The following SLC12A7 variants were observed in gnomAD, a reference collection of about 807,000 sequenced individuals.
SLC12A7 encodes the protein K-Cl cotransporter 4.
A neutral mutation model predicts 120.6 loss-of-function variants in SLC12A7; 100 were observed. The observed-to-expected ratio is 0.83, with a 90% confidence interval of 0.71 to 0.98. The LOEUF (loss-of-function observed/expected upper bound fraction) is 0.98, where lower values mean the gene tolerates loss of function less well. SLC12A7 is among the 50% of genes least tolerant of loss of function. The probability of loss-of-function intolerance (pLI) is 0.00; values close to 1 mark genes in which losing one functional copy is unlikely to be tolerated. For synonymous variants in SLC12A7, 760 were observed against 678.0 expected (o/e 1.12, Z -1.88); for missense variants, 1,373 against 1,548.1 (o/e 0.89, Z 1.90).
the SLC12A7 span, among the ~76,000 whole-genome samples, chr5:1,123,832 C>T: frequency 4.6e-5 from 7 of 152,326 alleles, no homozygotes; most frequent in African/African-American, 1.4e-4. Flanking sequence ...TGACTTTCTT[C>T]GTTTGTTTCA....
intron 8 of SLC12A7, among the ~76,000 whole-genome samples, chr5:1,082,253 C>A (rs1579381465): frequency 1.4e-5 from 2 of 144,216 alleles, no homozygotes; most frequent in Admixed American, 1.4e-4. Flanking sequence ...GGCTTCCTCT[C>A]TAGGGTTCTG....
intron 3 of SLC12A7, among the ~76,000 whole-genome samples, chr5:1,089,838 C>A (rs963135865): frequency 5.9e-5 from 9 of 152,214 alleles, no homozygotes; most frequent in Non-Finnish European, 1.0e-4. Context: ...CCAGGCAGCT[C>A]CCCAGCTCCA....
rs773750502 is a variant in SLC12A7 at position 1,079,426 on chromosome 5, G to C, written c.1368C>G (p.Ile456Met). Residue 456 changes from isoleucine to methionine, a missense_variant, in exon 10 of 24, where the codon ATC becomes ATG. Coordinates refer to ENST00000264930, the MANE Select transcript of SLC12A7 (RefSeq NM_006598.3). ...TGAAAGACGTCGTCACTATGGCCAGGATGGTCCCCGTGGGGATGGACTTCT... is the reference window on the plus strand; with the variant it reads ...TGAAAGACGTCGTCACTATGGCCAGCATGGTCCCCGTGGGGATGGACTTCT... ...DAQKSIPTGT[I>M]LAIVTTSFIY... 1.2e-6 allele frequency: 2 copies of C among 1,612,754 alleles called. No homozygotes were observed. Among genetic ancestry groups the C allele is most frequent in the South Asian group, 2.2e-5 (2 of 91,084 alleles).
rs145069746 is a variant in SLC12A7, at chr5:1,063,865, G to A, written c.2718C>T (p.Ala906=). The change falls in exon 20 of 24, where the codon GCC becomes GCT. Residue 906 remains alanine (A), a synonymous_variant. Coordinates refer to ENST00000264930, the MANE Select transcript of SLC12A7 (RefSeq NM_006598.3). The stretch of plus-strand genomic sequence containing the variant: ...TCACCATCTCCACCACCTCCACCTC[G>A]GCGCTGATGCGCAAGTGGTACAAGA... ...QMFLYHLRIS[A]EVEVVEMVEN... The A allele has an allele frequency of 4.1e-5, 62 of 1,495,162 alleles. No homozygotes were observed. The highest frequency in any genetic ancestry group is 1.8e-4 in the Middle Eastern group (1 of 5,466). The allele number at this position is 1,495,162 out of a possible 1,614,324, so 92.6% of individuals were successfully genotyped here.
chr5:1,133,685 G>A, the SLC12A7 span, among the ~76,000 whole-genome samples: 5 of 152,150 alleles, frequency 3.3e-5, no homozygotes, highest in South Asian at 4.1e-4. Flanking sequence ...CTGGACGTGC[G>A]CCCCTCGGTG....
rs372610037 is a variant in SLC12A7 at position 1,050,416 on chromosome 5, CACAG to C, written c.*1940_*1943del. ...TCATAGGATTTTATTTTTCTACTAA[CACAG>C]ACAGACAGGGAAACCTACAAAAGGA... On this transcript the variant is annotated 3_prime_UTR_variant, in exon 24 of 24. Transcript: ENST00000264930. 4.5e-3 allele frequency: 714 copies of C among 156,972 alleles called. 2 individuals carry two copies. The highest frequency in any genetic ancestry group is 0.012 in the African/African-American group (518 of 41,788). The allele number at this position is 156,972 out of a possible 1,614,324, so 9.7% of individuals were successfully genotyped here.
At chr5:1,088,452 C>T (rs934636306) in intron 4 of SLC12A7, 92 bp from the exon 5 acceptor site, 58 of 1,355,174 alleles carry the variant, frequency 4.3e-5, no homozygotes, top group African/African-American at 2.5e-4. Context: ...ACCCGGCTCC[C>T]GCCGAATGCC....
At chr5:1,060,263 A>C in intron 21 of SLC12A7, 81 bp downstream of exon 21, 3 of 1,070,422 alleles carry the variant, frequency 2.8e-6, no homozygotes, top group Non-Finnish European at 4.3e-6. Context: ...CGTGGGCTGC[A>C]GGAGGGTCCC....
chr5:1,065,119 G>A (rs1409893995), intron 18 of SLC12A7, among the ~76,000 whole-genome samples, 164 bp downstream of exon 18: 12 of 142,922 alleles, frequency 8.4e-5, no homozygotes, highest in African/African-American at 2.9e-4. Flanking sequence ...AGGGGACGGC[G>A]AGGGGATGCA....
chr5:1,152,427 C>T, the SLC12A7 span, among the ~76,000 whole-genome samples: 5 of 152,242 alleles, frequency 3.3e-5, no homozygotes, highest in African/African-American at 1.2e-4. Context: ...CCCTGTCAGA[C>T]CTGCCTGTGC....
At position 1,069,852 on chromosome 5, in the gene SLC12A7, C is replaced by T. The variant is rs532050743; in HGVS notation, c.2241+3781G>A. ...AATGAAGACACAAAGTCTCAGACCC[C>T]GATGTCCTGGGGCAGCCGACTGCAG... On this transcript the variant is annotated intron_variant, in intron 17 of 23. Coordinates refer to ENST00000264930, the MANE Select transcript of SLC12A7 (RefSeq NM_006598.3). Among the ~76,000 whole-genome samples the T allele has an allele frequency of 9.2e-5, 14 of 152,234 alleles. No homozygotes were observed. The South Asian group carries it at 1.7e-3, about 18-fold the overall frequency.
chr5:1,117,096 C>A, the SLC12A7 span, among the ~76,000 whole-genome samples: 3 of 152,178 alleles, frequency 2.0e-5, no homozygotes, highest in Admixed American at 6.5e-5. This position sits in a 1 kb window ranked among gnomAD's most constrained non-coding sequence, Gnocchi z 4.5. Flanking sequence ...CTCAGAGCCG[C>A]GGAGGGTCCT....
At chr5:1,140,382 G>A in the SLC12A7 span, among the ~76,000 whole-genome samples, 1 of 152,166 alleles carries the variant, frequency 6.6e-6, no homozygotes, top group African/African-American at 2.4e-5. Flanking sequence ...CATCTCCCTC[G>A]GTTCTGTTCC....
Position 1,075,415 on chromosome 5 carries a change from G to A in SLC12A7, c.1923C>T (p.Ala641=), listed in dbSNP as rs1417017508. The change falls in exon 15 of 24, where the codon GCC becomes GCT. Residue 641 remains alanine, a synonymous_variant. Coordinates refer to ENST00000264930, the MANE Select transcript of SLC12A7 (RefSeq NM_006598.3). ...FICSWYYALS[A]MLIAGCIYKY... ...TGTAGATGCAGCCAGCGATGAGCAT[G>A]GCGGACAGCGCGTAGTACCAGGAGC... The A allele has an allele frequency of 1.2e-6, 2 of 1,612,514 alleles. No homozygotes were observed. Among genetic ancestry groups the A allele is most frequent in the Non-Finnish European group, 1.7e-6 (2 of 1,179,620 alleles).
At chr5:1,155,294 C>G in the SLC12A7 span, among the ~76,000 whole-genome samples, 1 of 152,188 alleles carries the variant, frequency 6.6e-6, no homozygotes, top group Non-Finnish European at 1.5e-5. Context: ...GCCGTGGTCC[C>G]GAGAGAGGCA....
chr5:1,051,520 T>A lies in SLC12A7; in HGVS notation c.*840A>T, dbSNP rs554857446. On this transcript the variant is annotated 3_prime_UTR_variant, in exon 24 of 24. Coordinates refer to ENST00000264930, the MANE Select transcript of SLC12A7 (RefSeq NM_006598.3). Reference sequence around the variant, plus strand: ...GAGGCACTGATCGCACCTGTGGCTGTGGGCTGGGCCCTGTCAGTGCTTATG... The same window carrying A: ...GAGGCACTGATCGCACCTGTGGCTGAGGGCTGGGCCCTGTCAGTGCTTATG... 1 of 152,556 alleles carries A rather than the reference T, an allele frequency of 6.6e-6. No individual in the cohort carries two copies. The highest frequency in any genetic ancestry group is 2.1e-4 in the South Asian group (1 of 4,834). 9.5% of individuals were successfully genotyped at this position (152,556 alleles called of 1,614,324 possible). A position where few individuals can be genotyped will look rare whatever the true frequency, so the allele number is the denominator to read the frequency against.
the SLC12A7 span, among the ~76,000 whole-genome samples, chr5:1,121,084 T>G: frequency 6.6e-6 from 1 of 152,068 alleles, no homozygotes; most frequent in South Asian, 2.1e-4. Flanking sequence ...CACCCAACCC[T>G]CCTGCTGCCC....
intron 3 of SLC12A7, among the ~76,000 whole-genome samples, chr5:1,091,193 G>GGCCAGGGAGA (rs1283358263): frequency 6.6e-6 from 1 of 152,196 alleles, no homozygotes; most frequent in Non-Finnish European, 1.5e-5. Context: ...TGCCAGGGAG[G>GGCCAGGGAGA]GCCAGGGAGA....
At chr5:1,153,137 G>A in the SLC12A7 span, among the ~76,000 whole-genome samples, 25 of 152,186 alleles carry the variant, frequency 1.6e-4, no homozygotes, top group African/African-American at 5.6e-4. Context: ...AGCTGTCCAC[G>A]GCAGCCAGGC....
Sources: allele counts gnomAD v4.1 joint callset (sites outside exome capture counted in the v4.1 genomes callset), GRCh38; gene constraint gnomAD v4.1.1; non-coding constraint Gnocchi (gnomAD v3.1); transcripts MANE v1.5; gene names NCBI Gene and HGNC (gene_info 2026-07-23, HGNC 2026-07-21).